Variants in C11orf65 observed in about 807,000 individuals in gnomAD.
C11orf65 encodes chromosome 11 open reading frame 65, also known as protein MFI.
A neutral mutation model predicts 35.3 loss-of-function variants in C11orf65; 38 were observed. The ratio of observed to expected loss-of-function variants is 1.08; its 90% CI spans 0.83 to 1.41. The LOEUF (loss-of-function observed/expected upper bound fraction) is 1.41, where lower values mean the gene tolerates loss of function less well. C11orf65 is among the 40% of genes most tolerant of loss of function. C11orf65 has a pLI of 0.00. For synonymous variants in C11orf65, 105 were observed against 114.4 expected, an observed-to-expected ratio of 0.92 and a Z score of 0.53; for missense variants, 370 against 367.1, an observed-to-expected ratio of 1.01 and a Z score of -0.06.
At chr11:108,460,144 AGTTAT>A (rs2093456214) in intron 2 of C11orf65, among the ~76,000 whole-genome samples, 9 of 152,178 alleles carry the variant, frequency 5.9e-5, no homozygotes, top group African/African-American at 2.2e-4. Context: ...AAATCAACAT[AGTTAT>A]ACCCCAGCAT....
At chr11:108,321,756 C>T (rs1213885555) in intron 6 of C11orf65, among the ~76,000 whole-genome samples, 1 of 150,992 alleles carries the variant, frequency 6.6e-6, no homozygotes, top group Non-Finnish European at 1.5e-5. Context: ...CCATGGATTC[C>T]AGCCTGGGCA....
intron 8 of C11orf65, 49 bp downstream of exon 8, chr11:108,385,871 T>C (rs375584949): frequency 8.8e-6 from 13 of 1,470,262 alleles, no homozygotes; most frequent in Non-Finnish European, 1.2e-5. Context: ...GTGGAATGTA[T>C]TTTTTGTTCA....
At position 108,348,466 on chromosome 11, in the gene C11orf65, CAA is replaced by C. The variant is rs200745427; in HGVS notation, c.227-13176_227-13175del. On this transcript the variant is annotated intron_variant, in intron 2 of 3. Coordinates refer to the C11orf65 transcript ENST00000524755. ...GAATATATATAGCTAAGAAATATAT[CAA>C]GTTTTGTAAATAATAAGAAAGTGAT... Among the ~76,000 whole-genome samples, 396 of 150,038 alleles carry C rather than the reference CAA, an allele frequency of 2.6e-3. 1 individual carries two copies. The highest frequency in any genetic ancestry group is 9.0e-3 in the African/African-American group (370 of 40,968).
intron 6 of C11orf65, chr11:108,320,128 A>G (rs1028324322): frequency 1.1e-5 from 13 of 1,190,390 alleles, no homozygotes; most frequent in Non-Finnish European, 1.6e-5. Flanking sequence ...AAAACTTGAG[A>G]AACAATTTTA....
At chr11:108,463,981 C>T (rs965049343) in intron 1 of C11orf65, among the ~76,000 whole-genome samples, 2 of 143,306 alleles carry the variant, frequency 1.4e-5, no homozygotes, top group African/African-American at 5.2e-5. Flanking sequence ...GGCTGGAGTG[C>T]AGAGACATCA....
At chr11:108,400,891 G>C (rs557264892) in intron 6 of C11orf65, among the ~76,000 whole-genome samples, 1 of 152,210 alleles carries the variant, frequency 6.6e-6, no homozygotes, top group South Asian at 2.1e-4. Flanking sequence ...CAGATCACAA[G>C]GTCAGGAGTT....
At chr11:108,426,214 A>G (rs1420706887) in intron 3 of C11orf65, among the ~76,000 whole-genome samples, 9 of 152,132 alleles carry the variant, frequency 5.9e-5, no homozygotes, top group East Asian at 3.8e-4. Context: ...AATTGTCTCT[A>G]TTTGCAGATG....
chr11:108,344,191 A>G (rs1253734905), intron 2 of C11orf65, among the ~76,000 whole-genome samples: 2 of 152,158 alleles, frequency 1.3e-5, no homozygotes, highest in African/African-American at 2.4e-5. Flanking sequence ...AAGTCTGTAC[A>G]GGGCACACAG....
At chr11:108,376,375 A>T (rs2091726981) in intron 2 of C11orf65, among the ~76,000 whole-genome samples, 3 of 152,158 alleles carry the variant, frequency 2.0e-5, no homozygotes, top group Non-Finnish European at 2.9e-5. Context: ...CTGCTCCTGA[A>T]TGGGTACAGT....
chr11:108,364,847 C>A (rs1020065586), intron 2 of C11orf65, among the ~76,000 whole-genome samples: 2 of 152,164 alleles, frequency 1.3e-5, no homozygotes, highest in African/African-American at 2.4e-5. Flanking sequence ...AAACATGGGT[C>A]AAGGGATGTC....
chr11:108,412,802 G>A (rs898618270), intron 3 of C11orf65, among the ~76,000 whole-genome samples: 3 of 152,160 alleles, frequency 2.0e-5, no homozygotes, highest in African/African-American at 7.2e-5. Flanking sequence ...AACGAAAGCT[G>A]AGCTGCTATA....
At chr11:108,323,326 T>G (rs547313726) in intron 6 of C11orf65, among the ~76,000 whole-genome samples, 1 of 152,296 alleles carries the variant, frequency 6.6e-6, no homozygotes, top group Non-Finnish European at 1.5e-5. Flanking sequence ...GAATGAAAGA[T>G]TATCCTGCTG....
chr11:108,402,348 G>C (rs555698735), intron 6 of C11orf65, among the ~76,000 whole-genome samples: 1 of 152,248 alleles, frequency 6.6e-6, no homozygotes, highest in South Asian at 2.1e-4. Context: ...CCTAATCCCA[G>C]GCCTCAGAGT....
At chr11:108,361,865 T>G (rs1379368534) in intron 2 of C11orf65, among the ~76,000 whole-genome samples, 1 of 151,406 alleles carries the variant, frequency 6.6e-6, no homozygotes, top group African/African-American at 2.4e-5. Context: ...ACCTAGGCAT[T>G]ACCATTCAGG....
rs1470845209 is a variant in C11orf65 at position 108,448,398 on chromosome 11, C to A, written c.81+13081G>T. On this transcript the variant is annotated intron_variant, in intron 2 of 8. Transcript: ENST00000393084. ...CAAAAATCCTCAATAAAATACTGGC[C>A]AACCAAATCCAGCAGCACATCAAAA... Among the ~76,000 whole-genome samples, 55 of 152,142 alleles carry A rather than the reference C, an allele frequency of 3.6e-4. 1 individual carries two copies. In the East Asian group the frequency reaches 9.3e-3, roughly 26 times the overall value.
At chr11:108,423,460 G>T (rs549249684) in intron 3 of C11orf65, among the ~76,000 whole-genome samples, 65 of 152,302 alleles carry the variant, frequency 4.3e-4, no homozygotes, top group African/African-American at 1.5e-3. Flanking sequence ...GCACCTGGGG[G>T]AAGGGGTGGC....
chr11:108,359,441 C>T (rs377320629), intron 2 of C11orf65, among the ~76,000 whole-genome samples: 35 of 152,052 alleles, frequency 2.3e-4, no homozygotes, highest in South Asian at 6.3e-4. Flanking sequence ...CTGCACCAAG[C>T]GGACCTAATA....
intron 6 of C11orf65, chr11:108,309,216 A>C: frequency 3.8e-6 from 2 of 532,738 alleles, no homozygotes; most frequent in Non-Finnish European, 6.7e-6. Flanking sequence ...ACAACAAAAA[A>C]ATTGCTTGCT....
intron 2 of C11orf65, among the ~76,000 whole-genome samples, chr11:108,450,298 A>T (rs2135630934): frequency 6.6e-6 from 1 of 151,882 alleles, no homozygotes; most frequent in East Asian, 1.9e-4. Flanking sequence ...CACCCAAAGG[A>T]TTATAAATAT....
Sources: gnomAD v4.1 joint callset for allele counts (sites outside exome capture counted in the v4.1 genomes callset) on GRCh38, gnomAD v4.1.1 for gene constraint, MANE v1.5 for transcripts, NCBI Gene and HGNC (gene_info 2026-07-23, HGNC 2026-07-21) for gene names.